Variants in FBXL4 observed in about 807,000 individuals in gnomAD.
FBXL4 encodes F-box and leucine rich repeat protein 4.
A neutral mutation model predicts 58.9 loss-of-function variants in FBXL4; 40 were observed. The ratio of observed to expected loss-of-function variants is 0.68; its 90% CI spans 0.53 to 0.88. The LOEUF (loss-of-function observed/expected upper bound fraction) is 0.88, where lower values mean the gene tolerates loss of function less well. Ranked by LOEUF, FBXL4 falls within the 40% of genes least tolerant of loss-of-function variation. The probability of loss-of-function intolerance (pLI) is 0.00; values close to 1 mark genes in which losing one functional copy is unlikely to be tolerated. For missense variants in FBXL4, 676 were observed against 734.4 expected, an observed-to-expected ratio of 0.92 and a Z score of 0.92; for synonymous variants, 263 against 265.5, an observed-to-expected ratio of 0.99 and a Z score of 0.09.
chr6:98,929,543 C>T (rs1772926273), intron 2 of FBXL4, among the ~76,000 whole-genome samples: 1 of 149,708 alleles, frequency 6.7e-6, no homozygotes, highest in Non-Finnish European at 1.5e-5. Context: ...TGCACTCCAG[C>T]CTGGGCAACA....
intron 7 of FBXL4, among the ~76,000 whole-genome samples, chr6:98,896,492 G>C (rs547731820): frequency 6.6e-6 from 1 of 152,132 alleles, no homozygotes; most frequent in South Asian, 2.1e-4. Context: ...GTGAAGTATA[G>C]GTAGAAAGCA....
At chr6:98,912,494 A>G (rs1772131116) in intron 5 of FBXL4, among the ~76,000 whole-genome samples, 1 of 152,240 alleles carries the variant, frequency 6.6e-6, no homozygotes, top group Non-Finnish European at 1.5e-5. Flanking sequence ...GAAACTCTAC[A>G]AGCCAGAAGA....
At position 98,875,441 on chromosome 6, in the gene FBXL4, G is replaced by A; in HGVS notation, c.1676C>T (p.Thr559Ile). Residue 559 changes from threonine (T) to isoleucine (I), a missense_variant, in exon 9 of 10, where the codon ACC (threonine) becomes ATC (isoleucine). Thr to Ile is a moderately conservative substitution (Grantham distance 89, BLOSUM62 -1). Coordinates refer to ENST00000369244, the MANE Select transcript of FBXL4 (RefSeq NM_001278716.2). ...TDIDELACNCTRLQQLDILGT... is the reference protein window; with the variant it reads ...TDIDELACNCIRLQQLDILGT... ...TAATATGTCCAGCTGCTGTAACCTG[G>A]TACAATTACATGCCAATTCATCAAT... The A allele has an allele frequency of 6.2e-7, 1 of 1,613,986 alleles. No individual in the cohort carries two copies. The highest frequency in any genetic ancestry group is 8.5e-7 in the Non-Finnish European group (1 of 1,179,918).
rs901608966 is a variant in FBXL4 at position 98,897,238 on chromosome 6, T to C, written c.1317+2030A>G. On this transcript the variant is annotated intron_variant, in intron 7 of 9. Transcript: ENST00000369244. ...GCCCATAAAATAGTAAATGTGCCAG[T>C]AAAAAGCAGGTATGGCATAATTTCA... is the stretch of plus-strand genomic sequence containing the variant. The C allele has an allele frequency of 2.9e-5, 29 of 985,208 alleles. No individual in the cohort carries two copies. The African/African-American group carries it at 4.7e-4, about 16-fold the overall frequency. The allele number at this position is 985,208 out of a possible 1,614,324, so 61.0% of individuals were successfully genotyped here.
rs936137511 is a variant in FBXL4, at chr6:98,871,449, G to A, written c.*2829C>T. The A allele has an allele frequency of 3.3e-5, 5 of 152,196 alleles. No homozygotes were observed. Among genetic ancestry groups the A allele is most frequent in the South Asian group, 2.1e-4 (1 of 4,832 alleles). The allele number at this position is 152,196 out of a possible 1,614,324, so 9.4% of individuals were successfully genotyped here. A position where few individuals can be genotyped will look rare whatever the true frequency, so the allele number is the denominator to read the frequency against. On this transcript the variant is annotated 3_prime_UTR_variant, in exon 10 of 10. Transcript: ENST00000369244. ...TGAAATTAGTCTCTATGAATTATCTGTGTGGCACAATTACAAGCATGAATA... is the reference window on the plus strand; with the variant it reads ...TGAAATTAGTCTCTATGAATTATCTATGTGGCACAATTACAAGCATGAATA...
intron 5 of FBXL4, among the ~76,000 whole-genome samples, chr6:98,916,984 A>G (rs1772383568): frequency 6.6e-6 from 1 of 152,122 alleles, no homozygotes; most frequent in African/African-American, 2.4e-5. Flanking sequence ...TCATCTCACA[A>G]TCTTATTAAT....
At chr6:98,898,698 G>A (rs1163269026) in intron 7 of FBXL4, 2 of 984,830 alleles carry the variant, frequency 2.0e-6, no homozygotes, top group Non-Finnish European at 2.4e-6. Context: ...TGATCATTTG[G>A]AGAATGTTAA....
At position 98,888,201 on chromosome 6, in the gene FBXL4, C is replaced by G. The variant is rs1350574521; in HGVS notation, c.1318-7577G>C. ...ACTACTGTCCACAGGCCAAATCCAG[C>G]CTACTGCCTGTTTTTGTAAATAAAG... is the stretch of plus-strand genomic sequence containing the variant. On this transcript the variant is annotated intron_variant, in intron 7 of 9. Transcript: ENST00000369244. Among the ~76,000 whole-genome samples the G allele has an allele frequency of 2.6e-5, 4 of 152,192 alleles. No homozygotes were observed. The East Asian group carries it at 7.7e-4, about 29-fold the overall frequency.
At chr6:98,900,539 A>C (rs147858886) in intron 6 of FBXL4, among the ~76,000 whole-genome samples, 1 of 152,324 alleles carries the variant, frequency 6.6e-6, no homozygotes, top group African/African-American at 2.4e-5. Context: ...AAAGGCATCT[A>C]CTCAAGTCTT....
At chr6:98,880,873 A>G (rs1770828044) in intron 7 of FBXL4, among the ~76,000 whole-genome samples, 1 of 152,186 alleles carries the variant, frequency 6.6e-6, no homozygotes, top group South Asian at 2.1e-4. Context: ...TGGATGCCCT[A>G]AAGATACCTA....
chr6:98,872,849 T>C lies in FBXL4; in HGVS notation c.*1429A>G, dbSNP rs893073756. On this transcript the variant is annotated 3_prime_UTR_variant, in exon 10 of 10. Coordinates refer to ENST00000369244, the MANE Select transcript of FBXL4 (RefSeq NM_001278716.2). ...GATCATAAATAAATTCTTCAATCTT[T>C]CTTTGCCTCAGTTTCCTCATCTGTA... The C allele has an allele frequency of 2.0e-5, 3 of 152,194 alleles. No individual in the cohort carries two copies. Among genetic ancestry groups the C allele is most frequent in the Admixed American group, 2.0e-4 (3 of 15,258 alleles). The allele number at this position is 152,194 out of a possible 1,614,324, so 9.4% of individuals were successfully genotyped here.
At chr6:98,893,115 A>G (rs1387085273) in intron 7 of FBXL4, among the ~76,000 whole-genome samples, 1 of 152,174 alleles carries the variant, frequency 6.6e-6, no homozygotes, top group African/African-American at 2.4e-5. Flanking sequence ...CAAACAGAGA[A>G]AAGGTAAACA....
intron 7 of FBXL4, among the ~76,000 whole-genome samples, chr6:98,887,860 A>T (rs1771094087): frequency 6.6e-6 from 1 of 152,232 alleles, no homozygotes; most frequent in Non-Finnish European, 1.5e-5. Context: ...GTGAGTAAGC[A>T]CAAATTAACA....
At chr6:98,939,980 C>T (rs1196640927) in intron 1 of FBXL4, among the ~76,000 whole-genome samples, 1 of 152,162 alleles carries the variant, frequency 6.6e-6, no homozygotes, top group African/African-American at 2.4e-5. Context: ...ACAGTATGTA[C>T]CACAGCTAAT....
chr6:98,903,158 C>T (rs1771674076), intron 6 of FBXL4, among the ~76,000 whole-genome samples: 1 of 152,058 alleles, frequency 6.6e-6, no homozygotes, highest in Non-Finnish European at 1.5e-5. Flanking sequence ...ACAAATAAGT[C>T]TTCTTCATAG....
rs1770526728 is a variant in FBXL4, at chr6:98,872,752, C to T, written c.*1526G>A. On this transcript the variant is annotated 3_prime_UTR_variant, in exon 10 of 10. Transcript: ENST00000369244. ...AAGCTACCCTGAACACCTAAAAGCA[C>T]AGGTTTAATGCAATGCTTCAGAAGC... is the stretch of plus-strand genomic sequence containing the variant. 1 of 152,170 alleles carries T rather than the reference C, an allele frequency of 6.6e-6. No individual in the cohort carries two copies. Among genetic ancestry groups the T allele is most frequent in the African/African-American group, 2.4e-5 (1 of 41,440 alleles). The allele number at this position is 152,170 out of a possible 1,614,324, so 9.4% of individuals were successfully genotyped here. A position where few individuals can be genotyped will look rare whatever the true frequency, so the allele number is the denominator to read the frequency against.
chr6:98,883,982 ATTAG>A (rs1582372799), intron 7 of FBXL4, among the ~76,000 whole-genome samples: 2 of 151,888 alleles, frequency 1.3e-5, no homozygotes, highest in South Asian at 2.1e-4. Context: ...CTCCATGGTC[ATTAG>A]TTAATTTACT....
At chr6:98,935,264 T>C (rs531154770) in intron 1 of FBXL4, among the ~76,000 whole-genome samples, 10 of 152,136 alleles carry the variant, frequency 6.6e-5, no homozygotes, top group Admixed American at 6.5e-4. Flanking sequence ...GAATCTTTTT[T>C]TTTTTTTTAA....
intron 4 of FBXL4, among the ~76,000 whole-genome samples, chr6:98,923,018 A>C (rs1423470648): frequency 6.6e-6 from 1 of 152,038 alleles, no homozygotes; most frequent in Non-Finnish European, 1.5e-5. Flanking sequence ...CTTTGCTCCT[A>C]AGGGTTTACA....
Sources: gnomAD v4.1 joint callset for allele counts (sites outside exome capture counted in the v4.1 genomes callset) on GRCh38, gnomAD v4.1.1 for gene constraint, MANE v1.5 for transcripts, NCBI Gene and HGNC (gene_info 2026-07-23, HGNC 2026-07-21) for gene names.